The following FGGY variants were observed in gnomAD, a reference collection of about 807,000 sequenced individuals.
FGGY encodes FGGY carbohydrate kinase domain containing.
A neutral mutation model predicts 71.3 loss-of-function variants in FGGY; 72 were observed. The observed-to-expected ratio is 1.01, with a 90% CI of 0.84 to 1.23. The LOEUF (loss-of-function observed/expected upper bound fraction) is 1.23. FGGY is among the 50% of genes most tolerant of loss of function. The pLI is 0.00. For missense variants in FGGY, 668 were observed against 682.3 expected (o/e 0.98, Z 0.23); for synonymous variants, 251 against 250.3 (o/e 1.00, Z -0.02).
At chr1:59,319,559 T>C (rs1325987777) in intron 1 of FGGY, among the ~76,000 whole-genome samples, 2 of 152,138 alleles carry the variant, frequency 1.3e-5, no homozygotes, top group African/African-American at 2.4e-5. Flanking sequence ...CCAAGGAGAA[T>C]TGATGGCTGA....
chr1:59,678,834 A>G (rs979307488), intron 14 of FGGY, among the ~76,000 whole-genome samples: 1 of 152,242 alleles, frequency 6.6e-6, no homozygotes, highest in African/African-American at 2.4e-5. Flanking sequence ...CAAGAGATCA[A>G]AATGCATTCA....
At chr1:59,703,670 C>T (rs904004560) in intron 14 of FGGY, among the ~76,000 whole-genome samples, 5 of 152,190 alleles carry the variant, frequency 3.3e-5, no homozygotes, top group Admixed American at 6.5e-5. Context: ...CTTGTGAGCC[C>T]AGCTCCCAGC....
chr1:59,580,239 T>C (rs1476294688), intron 8 of FGGY, among the ~76,000 whole-genome samples: 5 of 152,206 alleles, frequency 3.3e-5, no homozygotes, highest in Non-Finnish European at 7.3e-5. Flanking sequence ...GACAGAACTT[T>C]GTTTTTTCAC....
intron 1 of FGGY, among the ~76,000 whole-genome samples, chr1:59,303,931 TA>T (rs1227078718): frequency 6.6e-6 from 1 of 151,998 alleles, no homozygotes; most frequent in Non-Finnish European, 1.5e-5. Flanking sequence ...CTTTGCCCAT[TA>T]AAAAAAATTA....
rs144725052 is a variant in FGGY at position 59,587,289 on chromosome 1, T to C, written c.904-20514T>C. Among the ~76,000 whole-genome samples, 4 of 152,056 alleles carry C rather than the reference T, an allele frequency of 2.6e-5. No individual in the cohort carries two copies. In the East Asian group the frequency reaches 7.8e-4, roughly 30 times the overall value. On this transcript the variant is annotated intron_variant, in intron 8 of 15. Transcript: ENST00000303721. ...GCTTGCTTAGGTAAGCAAAGCAGCC[T>C]GGAAGCTCGAACTGGGTGGAGCCCA... is the stretch of plus-strand genomic sequence containing the variant.
At chr1:59,545,954 C>A (rs533971831) in intron 7 of FGGY, among the ~76,000 whole-genome samples, 1 of 152,116 alleles carries the variant, frequency 6.6e-6, no homozygotes, top group Non-Finnish European at 1.5e-5. Context: ...CCTTTGGGCC[C>A]GCAATTATTT....
At chr1:59,446,912 T>C (rs868856148) in intron 5 of FGGY, among the ~76,000 whole-genome samples, 1 of 152,268 alleles carries the variant, frequency 6.6e-6, no homozygotes. Flanking sequence ...AAAATCTTGG[T>C]GGAGAAATGC....
intron 14 of FGGY, among the ~76,000 whole-genome samples, chr1:59,708,659 T>C (rs1385809042): frequency 6.6e-6 from 1 of 152,188 alleles, no homozygotes; most frequent in Non-Finnish European, 1.5e-5. Context: ...GAACTAGATT[T>C]CTAGAAAGGT....
At chr1:59,378,883 G>A (rs2059007776) in intron 5 of FGGY, 46 bp downstream of exon 5, 2 of 1,484,486 alleles carry the variant, frequency 1.3e-6, no homozygotes, top group Non-Finnish European at 1.9e-6. Context: ...TTCCATTCTT[G>A]GATGTCTGTC....
chr1:59,745,347 G>A (rs1053722884), intron 14 of FGGY, among the ~76,000 whole-genome samples: 2 of 152,138 alleles, frequency 1.3e-5, no homozygotes, highest in Non-Finnish European at 2.9e-5. Context: ...TCTTAGCTTC[G>A]ATTATTCACC....
chr1:59,545,651 T>C (rs1313899770), intron 7 of FGGY, among the ~76,000 whole-genome samples: 1 of 148,982 alleles, frequency 6.7e-6, no homozygotes, highest in African/African-American at 2.5e-5. Flanking sequence ...TTGATCTTTC[T>C]GGGTAGGAAG....
intron 2 of FGGY, among the ~76,000 whole-genome samples, chr1:59,330,574 A>T (rs2048278386): frequency 6.6e-6 from 1 of 151,764 alleles, no homozygotes; most frequent in African/African-American, 2.4e-5. Context: ...ATCTCAAAAA[A>T]AAAAAAAAGA....
intron 3 of FGGY, among the ~76,000 whole-genome samples, chr1:59,343,085 A>T (rs1173884781): frequency 6.6e-6 from 1 of 152,066 alleles, no homozygotes; most frequent in Non-Finnish European, 1.5e-5. Context: ...AAAGGGTGAT[A>T]ATTGGGGCTG....
intron 14 of FGGY, among the ~76,000 whole-genome samples, chr1:59,701,259 C>A (rs1310152639): frequency 6.6e-6 from 1 of 152,196 alleles, no homozygotes; most frequent in South Asian, 2.1e-4. Flanking sequence ...AGTGGAATCC[C>A]AGCACAGTTC....
chr1:59,436,175 T>C (rs536582791), intron 5 of FGGY, among the ~76,000 whole-genome samples: 1 of 152,212 alleles, frequency 6.6e-6, no homozygotes, highest in Non-Finnish European at 1.5e-5. Flanking sequence ...TGTCTGCACA[T>C]CCTCCCTTGC....
Position 59,645,914 on chromosome 1 carries a change from G to A in FGGY, c.1221+7539G>A, listed in dbSNP as rs139377922. 6.6e-5 allele frequency among the ~76,000 whole-genome samples: 10 copies of A among 152,348 alleles called. No homozygotes were observed. The East Asian group carries it at 1.5e-3, about 23-fold the overall frequency. On this transcript the variant is annotated intron_variant, in intron 11 of 15. Transcript: ENST00000303721. The stretch of plus-strand genomic sequence containing the variant: ...GAGCTGTGACTTCTAACATCAGAGC[G>A]TATGCTACTCAAACTGCTGGAGAGG...
chr1:59,667,480 G>T (rs1192414175), intron 13 of FGGY, 77 bp downstream of exon 13: 35 of 1,533,250 alleles, frequency 2.3e-5, no homozygotes, highest in Non-Finnish European at 1.6e-5. Context: ...TGGGTGAAGT[G>T]AGAATAGGAG....
intron 8 of FGGY, among the ~76,000 whole-genome samples, chr1:59,594,267 A>C (rs2096493107): frequency 6.6e-6 from 1 of 152,220 alleles, no homozygotes. Context: ...ACTCAGAAAC[A>C]TGTAGATTAA....
At chr1:59,384,226 C>T (rs1016618369) in intron 5 of FGGY, among the ~76,000 whole-genome samples, 16 of 152,022 alleles carry the variant, frequency 1.1e-4, no homozygotes, top group Non-Finnish European at 1.9e-4. Context: ...ATCCCGTTCC[C>T]CCACCCACCC....
Sources: gnomAD v4.1 joint callset for allele counts (sites outside exome capture counted in the v4.1 genomes callset) on GRCh38, gnomAD v4.1.1 for gene constraint, MANE v1.5 for transcripts, NCBI Gene and HGNC (gene_info 2026-07-23, HGNC 2026-07-21) for gene names.